The following GALNT13 variants were observed in gnomAD, a reference collection of about 807,000 sequenced individuals.
The protein encoded by GALNT13 is polypeptide N-acetylgalactosaminyltransferase 13, also known as UDP-GalNAc:polypeptide N-acetylgalactosaminyltransferase 13.
GALNT13 carries 28 observed loss-of-function variants against 64.2 expected under a neutral mutation model. That is an observed-to-expected ratio of 0.44 (90% confidence interval 0.32 to 0.60). The LOEUF is 0.60. Ranked by LOEUF, GALNT13 falls within the 20% of genes least tolerant of loss-of-function variation. The pLI is 0.05. For missense variants in GALNT13, 577 were observed against 669.8 expected (o/e 0.86, Z 1.53); for synonymous variants, 214 against 224.6 (o/e 0.95, Z 0.42).
chr2:153,527,140 A>G, the GALNT13 span, among the ~76,000 whole-genome samples: 4 of 152,294 alleles, frequency 2.6e-5, no homozygotes, highest in South Asian at 8.3e-4. Context: ...AGGGATAACA[A>G]CAGATGCCTT....
At chr2:154,300,093 T>TTC (rs201159271) in intron 8 of GALNT13, among the ~76,000 whole-genome samples, 2,067 of 94,356 alleles carry the variant, frequency 0.022, 52 homozygotes, top group African/African-American at 0.068. Flanking sequence ...TTTTCTTTCT[T>TTC]TCTCTCTTTT....
the GALNT13 span, among the ~76,000 whole-genome samples, chr2:153,163,346 C>T: frequency 1.3e-5 from 2 of 152,040 alleles, no homozygotes; most frequent in Non-Finnish European, 2.9e-5. Context: ...GGTGTGTGTG[C>T]CCATTCTTGG....
rs557170134 is a variant in GALNT13, at chr2:154,388,712, A to G, written c.1157-7279A>G. On this transcript the variant is annotated intron_variant, in intron 9 of 12. Transcript: ENST00000392825. ...ATGGCTTATTATTATATTATTTTAA[A>G]AAGGAGAAAAATGCAGATTCTTATT... 5.3e-5 allele frequency among the ~76,000 whole-genome samples: 8 copies of G among 151,866 alleles called. No individual in the cohort carries two copies. The South Asian group carries it at 1.2e-3, about 24-fold the overall frequency.
the GALNT13 span, among the ~76,000 whole-genome samples, chr2:153,250,169 A>C: frequency 6.6e-6 from 1 of 152,220 alleles, no homozygotes; most frequent in Non-Finnish European, 1.5e-5. Context: ...AGAATCTACA[A>C]GGAACTTAAA....
chr2:153,370,011 G>A, the GALNT13 span, among the ~76,000 whole-genome samples: 1 of 152,056 alleles, frequency 6.6e-6, no homozygotes, highest in African/African-American at 2.4e-5. Context: ...CTAATTTTAG[G>A]TATAATTTGA....
chr2:153,339,794 G>A, the GALNT13 span, among the ~76,000 whole-genome samples: 1 of 152,110 alleles, frequency 6.6e-6, no homozygotes, highest in African/African-American at 2.4e-5. Context: ...TGTAAAATAA[G>A]GGTCTAATTT....
the GALNT13 span, among the ~76,000 whole-genome samples, chr2:153,568,017 T>C: frequency 6.6e-6 from 1 of 152,216 alleles, no homozygotes; most frequent in African/African-American, 2.4e-5. Context: ...AGTTTTTTCC[T>C]CTTGTTCTGG....
At chr2:153,616,648 T>G in the GALNT13 span, among the ~76,000 whole-genome samples, 1 of 151,984 alleles carries the variant, frequency 6.6e-6, no homozygotes, top group African/African-American at 2.4e-5. Context: ...TTTTTCTTCT[T>G]TGGTTAATTT....
At chr2:154,163,209 A>G (rs1684838911) in intron 4 of GALNT13, among the ~76,000 whole-genome samples, 1 of 135,038 alleles carries the variant, frequency 7.4e-6, no homozygotes, top group African/African-American at 2.8e-5. Context: ...TTCAATTCCC[A>G]TCTATGAGTG....
the GALNT13 span, among the ~76,000 whole-genome samples, chr2:153,851,765 T>G: frequency 2.6e-5 from 4 of 151,976 alleles, no homozygotes; most frequent in African/African-American, 9.7e-5. Context: ...GCACCAGAAT[T>G]TGTAAATATA....
intron 1 of GALNT13, among the ~76,000 whole-genome samples, chr2:153,884,787 G>A (rs199868309): frequency 0.018 from 1,024 of 58,208 alleles, 14 homozygotes; most frequent in African/African-American, 0.062. Flanking sequence ...ATATATATAT[G>A]TGTGTGTATA....
the GALNT13 span, among the ~76,000 whole-genome samples, chr2:153,078,551 TCCG>T: frequency 6.6e-6 from 1 of 152,052 alleles, no homozygotes; most frequent in Non-Finnish European, 1.5e-5. Context: ...CCTCAGATGA[TCCG>T]CCCACCTCGG....
the GALNT13 span, among the ~76,000 whole-genome samples, chr2:153,852,574 T>C: frequency 6.6e-6 from 1 of 152,220 alleles, no homozygotes; most frequent in African/African-American, 2.4e-5. Flanking sequence ...ATTTCAATAA[T>C]GCTCTCTCAA....
chr2:154,260,179 C>T (rs1690619027), intron 8 of GALNT13, among the ~76,000 whole-genome samples: 1 of 152,118 alleles, frequency 6.6e-6, no homozygotes. Flanking sequence ...AGCCACCACA[C>T]CCAGCTTCAG....
intron 4 of GALNT13, among the ~76,000 whole-genome samples, chr2:154,208,920 G>T (rs1018278790): frequency 6.6e-6 from 1 of 151,856 alleles, no homozygotes; most frequent in Non-Finnish European, 1.5e-5. Context: ...TTTTGTCTCT[G>T]TCCTGCTGCA....
At chr2:153,914,975 C>G (rs1574104432) in intron 2 of GALNT13, among the ~76,000 whole-genome samples, 3 of 152,234 alleles carry the variant, frequency 2.0e-5, no homozygotes, top group South Asian at 2.1e-4. Flanking sequence ...GCACCTGTGC[C>G]TTAGATGTAT....
chr2:154,378,740 T>A (rs2105327282), intron 9 of GALNT13, among the ~76,000 whole-genome samples: 1 of 152,222 alleles, frequency 6.6e-6, no homozygotes, highest in East Asian at 1.9e-4. Flanking sequence ...TGAGTGAGAT[T>A]AACCCTGATT....
the GALNT13 span, among the ~76,000 whole-genome samples, chr2:153,573,813 G>A: frequency 3.7e-3 from 568 of 152,076 alleles, 5 homozygotes; most frequent in African/African-American, 0.013. Context: ...AAAAGTCATT[G>A]TAGTTATTAT....
chr2:154,228,129 T>A (rs1011005602), intron 4 of GALNT13, among the ~76,000 whole-genome samples: 2 of 152,112 alleles, frequency 1.3e-5, no homozygotes, highest in African/African-American at 2.4e-5. Context: ...CTGATGTTAG[T>A]TCTGTTTAGA....
Sources: gnomAD v4.1 joint callset for allele counts (sites outside exome capture counted in the v4.1 genomes callset) on GRCh38, gnomAD v4.1.1 for gene constraint, MANE v1.5 for transcripts, NCBI Gene and HGNC (gene_info 2026-07-23, HGNC 2026-07-21) for gene names.